IFT140: variants seen among roughly 807,000 people sequenced by gnomAD.
IFT140 encodes the protein intraflagellar transport 140.
Under a neutral mutation model 164.6 loss-of-function variants are expected in IFT140, and 133 were observed. That is an observed-to-expected ratio of 0.81 (90% confidence interval 0.70 to 0.93). The LOEUF is 0.93. Ranked by LOEUF, IFT140 falls within the 40% of genes least tolerant of loss-of-function variation. The probability of loss-of-function intolerance (pLI) is 0.00; values close to 1 mark genes in which losing one functional copy is unlikely to be tolerated. For synonymous variants in IFT140, 860 were observed against 817.3 expected, an observed-to-expected ratio of 1.05 and a Z score of -0.89; for missense variants, 2,045 against 1,972.3, an observed-to-expected ratio of 1.04 and a Z score of -0.70.
At chr16:1,517,915 G>A (rs2040410974) in intron 30 of IFT140, among the ~76,000 whole-genome samples, 1 of 152,006 alleles carries the variant, frequency 6.6e-6, no homozygotes, top group African/African-American at 2.4e-5. Flanking sequence ...AGATCTCACT[G>A]CAGCCTCAAC....
chr16:1,587,815 G>C, intron 8 of IFT140, 118 bp downstream of exon 8: 1 of 770,276 alleles, frequency 1.3e-6, no homozygotes. Flanking sequence ...TCCAGTATGA[G>C]AGCACTCAGC....
chr16:1,589,715 G>GA lies in IFT140; in HGVS notation c.699dup (p.Gln234SerfsTer29). The GA allele has an allele frequency of 6.2e-7, 1 of 1,614,136 alleles. No homozygotes were observed. Among genetic ancestry groups the GA allele is most frequent in the Non-Finnish European group, 8.5e-7 (1 of 1,179,996 alleles). The stretch of plus-strand genomic sequence containing the variant: ...CTCTTCTCCATGTAGAACAGCATCT[G>GA]AATCGTGCTGTCTGCGGACACCACC... On this transcript the variant is annotated frameshift_variant, in exon 7 of 31. Coordinates refer to ENST00000426508, the MANE Select transcript of IFT140 (RefSeq NM_014714.4). LOFTEE classifies it high-confidence loss of function.
chr16:1,561,335 C>A (rs543615570), intron 18 of IFT140, among the ~76,000 whole-genome samples: 1 of 152,294 alleles, frequency 6.6e-6, no homozygotes, highest in East Asian at 1.9e-4. Flanking sequence ...GACACGGGGA[C>A]CAAGTCGCAG....
Position 1,580,840 on chromosome 16 carries a change from C to T in IFT140, c.1443G>A (p.Leu481=). The change falls in exon 13 of 31, where the codon TTG becomes TTA. Residue 481 remains leucine (L), a synonymous_variant. Transcript: ENST00000426508. The stretch of plus-strand genomic sequence containing the variant: ...GCATTGCTAACACAGGCGTCTCACA[C>T]AAGAAGGTCCCTAAAATGAAAGACG... The part of the protein sequence containing the change: ...GAAIRSAGTF[L]CETPVLAMHE... 3.1e-6 allele frequency: 5 copies of T among 1,612,720 alleles called. No individual in the cohort carries two copies. Among genetic ancestry groups the T allele is most frequent in the Non-Finnish European group, 4.2e-6 (5 of 1,178,898 alleles).
chr16:1,546,545 C>T (rs1405695748), intron 19 of IFT140, among the ~76,000 whole-genome samples: 1 of 152,220 alleles, frequency 6.6e-6, no homozygotes, highest in African/African-American at 2.4e-5. Flanking sequence ...TCTCTGAAGC[C>T]CTGCTGGGTA....
At chr16:1,579,998 C>T (rs957423547) in intron 13 of IFT140, among the ~76,000 whole-genome samples, 3 of 151,560 alleles carry the variant, frequency 2.0e-5, no homozygotes, top group Non-Finnish European at 2.9e-5. Flanking sequence ...TCTTAGAGGT[C>T]GCCCTGGCCC....
At position 1,568,350 on chromosome 16, in the gene IFT140, G is replaced by A. The variant is rs1400167602; in HGVS notation, c.1653-16C>T. On this transcript the variant is annotated splice_polypyrimidine_tract_variant and intron_variant, in intron 14 of 30. Coordinates refer to ENST00000426508, the MANE Select transcript of IFT140 (RefSeq NM_014714.4). ...TTTGGCCTCTCTGCAGGGAGGAAGA[G>A]GGACCTCAGTGCCCGCCAGAGGCCC... The A allele has an allele frequency of 1.2e-6, 2 of 1,601,210 alleles. No individual in the cohort carries two copies. The highest frequency in any genetic ancestry group is 8.6e-7 in the Non-Finnish European group (1 of 1,169,404).
chr16:1,525,924 G>C lies in IFT140; in HGVS notation c.2731C>G (p.Leu911Val), dbSNP rs1336328361. 1 of 1,567,780 alleles carries C rather than the reference G, an allele frequency of 6.4e-7. No individual in the cohort carries two copies. The highest frequency in any genetic ancestry group is 1.2e-5 in the South Asian group (1 of 85,552). Reference protein sequence around the residue: ...RSTYHRYAGHLEASADCSRAL... With the variant: ...RSTYHRYAGHVEASADCSRAL... ...CGGCTGCAGTCGGCGCTGGCCTCCA[G>C]GTGCCCGGCATAGCGGTGGTAGGTG... Residue 911 changes from leucine to valine, a missense_variant, in exon 21 of 31, where the codon CTG becomes GTG. Physicochemically the swap from Leu to Val is conservative, Grantham distance 32. Coordinates refer to ENST00000426508, the MANE Select transcript of IFT140 (RefSeq NM_014714.4).
At chr16:1,519,216 G>A (rs532203311) in intron 29 of IFT140, among the ~76,000 whole-genome samples, 2 of 152,200 alleles carry the variant, frequency 1.3e-5, no homozygotes, top group Non-Finnish European at 2.9e-5. Context: ...TTGTTCAAAG[G>A]ACTTCTGGAA....
chr16:1,514,038 G>A (rs913097761), intron 30 of IFT140, among the ~76,000 whole-genome samples: 7 of 151,596 alleles, frequency 4.6e-5, no homozygotes, highest in Admixed American at 1.3e-4. Context: ...CAGCCACCTC[G>A]AAGCCTGCCC....
rs1180852115 is a variant in IFT140 at position 1,554,151 on chromosome 16, G to A, written c.2399+3784C>T. ...GGAAGACACCAGATATAGCCAAGGA[G>A]CCCTAGACAAGGCCCTGGCCCCATC... On this transcript the variant is annotated intron_variant, in intron 19 of 30. Coordinates refer to ENST00000426508, the MANE Select transcript of IFT140 (RefSeq NM_014714.4). 9.3e-6 allele frequency: 12 copies of A among 1,285,746 alleles called. No homozygotes were observed. In the South Asian group the frequency reaches 1.4e-4, roughly 15 times the overall value. 79.6% of individuals were successfully genotyped at this position (1,285,746 alleles called of 1,614,324 possible).
Position 1,558,116 on chromosome 16 carries a change from C to T in IFT140, c.2218G>A (p.Glu740Lys). 1 of 1,614,182 alleles carries T rather than the reference C, an allele frequency of 6.2e-7. No individual in the cohort carries two copies. Among genetic ancestry groups the T allele is most frequent in the Non-Finnish European group, 8.5e-7 (1 of 1,180,022 alleles). The change falls in exon 19 of 31, where the codon GAA becomes AAA. Residue 740 changes from glutamate to lysine, a missense_variant. Transcript: ENST00000426508. ...TGGCACCCAGGCTCCACCTCGTCTT[C>T]TCTGTCTGCTTCTTCGGGCTAAATG... ...FTRKPEEADR[E>K]DEVEPGCHHI...
rs1254630879 is a variant in IFT140 at position 1,564,797 on chromosome 16, C to T, written c.1902-635G>A. Among the ~76,000 whole-genome samples, 1 of 152,180 alleles carries T rather than the reference C, an allele frequency of 6.6e-6. No homozygotes were observed. Among genetic ancestry groups the T allele is most frequent in the Non-Finnish European group, 1.5e-5 (1 of 68,024 alleles). On this transcript the variant is annotated intron_variant, in intron 16 of 30. Coordinates refer to ENST00000426508, the MANE Select transcript of IFT140 (RefSeq NM_014714.4). This position sits in a 1 kb window ranked among gnomAD's most constrained non-coding sequence, Gnocchi z 5.5. Reference sequence around the variant, plus strand: ...CCCAGGCTGCAGAGTGGGACCCTGCCGGGCAGCACGACCCATGGCTGCTGA... The same window carrying T: ...CCCAGGCTGCAGAGTGGGACCCTGCTGGGCAGCACGACCCATGGCTGCTGA...
chr16:1,560,959 G>A (rs994068277), intron 18 of IFT140, among the ~76,000 whole-genome samples: 3 of 152,218 alleles, frequency 2.0e-5, no homozygotes, highest in Non-Finnish European at 2.9e-5. Context: ...AGAAATAAAA[G>A]CAGCAGCAGC....
At chr16:1,574,528 A>T (rs2034178532) in intron 13 of IFT140, among the ~76,000 whole-genome samples, 1 of 151,996 alleles carries the variant, frequency 6.6e-6, no homozygotes, top group East Asian at 1.9e-4. Context: ...CAATCCTCCC[A>T]CCTGGGCCTC....
At position 1,564,273 on chromosome 16, in the gene IFT140, C is replaced by T. The variant is rs930645388; in HGVS notation, c.1902-111G>A. 2 of 855,652 alleles carry T rather than the reference C, an allele frequency of 2.3e-6. No homozygotes were observed. The highest frequency in any genetic ancestry group is 3.0e-5 in the East Asian group (1 of 33,008). 53.0% of individuals were successfully genotyped at this position (855,652 alleles called of 1,614,324 possible). Reference sequence around the variant, plus strand: ...CAGGTGCTGTCCCAGACCATGGTGTCCACGCGCTCAGCTCTGGGAGAACTT... The same window carrying T: ...CAGGTGCTGTCCCAGACCATGGTGTTCACGCGCTCAGCTCTGGGAGAACTT... On this transcript the variant is annotated intron_variant, in intron 16 of 30. Coordinates refer to ENST00000426508, the MANE Select transcript of IFT140 (RefSeq NM_014714.4). The surrounding 1 kb of genome is among the most constrained non-coding windows in gnomAD (Gnocchi z 5.5).
At chr16:1,594,260 G>A (rs184595094) in intron 4 of IFT140, among the ~76,000 whole-genome samples, 7 of 150,542 alleles carry the variant, frequency 4.6e-5, no homozygotes, top group Admixed American at 1.3e-4. Context: ...TCACTGTGTC[G>A]CCCAGGCTGG....
chr16:1,582,819 C>T (rs753553205), intron 12 of IFT140, among the ~76,000 whole-genome samples: 3 of 152,258 alleles, frequency 2.0e-5, no homozygotes, highest in Non-Finnish European at 4.4e-5. Context: ...AGGACAACTG[C>T]TTGAGCCCGG....
At chr16:1,582,436 G>A (rs758854377) in intron 12 of IFT140, among the ~76,000 whole-genome samples, 1 of 152,204 alleles carries the variant, frequency 6.6e-6, no homozygotes, top group Non-Finnish European at 1.5e-5. Flanking sequence ...GCGTGGCCCT[G>A]CTGACGCGAT....
Sources: gnomAD v4.1 joint callset for allele counts (sites outside exome capture counted in the v4.1 genomes callset) on GRCh38, gnomAD v4.1.1 for gene constraint, Gnocchi (gnomAD v3.1) non-coding constraint, MANE v1.5 for transcripts, NCBI Gene and HGNC (gene_info 2026-07-23, HGNC 2026-07-21) for gene names.